The following IAPP variants were observed in gnomAD, a reference collection of about 807,000 sequenced individuals.
IAPP encodes islet amyloid polypeptide.
IAPP carries 4 observed loss-of-function variants against 2.9 expected under a neutral mutation model. The observed-to-expected ratio is 1.39, with a 90% CI of 0.69 to 3.19. The LOEUF (loss-of-function observed/expected upper bound fraction) is 3.19, where lower values mean the gene tolerates loss of function less well. Among genes scored for constraint, IAPP ranks in the 30% most tolerant of loss-of-function variants. The pLI, the probability that IAPP is intolerant of heterozygous loss-of-function variation, is 0.01. For synonymous variants in IAPP, 40 were observed against 42.1 expected, an observed-to-expected ratio of 0.95 and a Z score of 0.19; for missense variants, 114 against 105.3, an observed-to-expected ratio of 1.08 and a Z score of -0.36.
At chr12:21,357,606 C>T (rs773436766) in intron 1 of IAPP, among the ~76,000 whole-genome samples, 24 of 152,116 alleles carry the variant, frequency 1.6e-4, no homozygotes, top group African/African-American at 4.3e-4. Context: ...ATTTAGCGTC[C>T]AATAGATGCT....
intron 1 of IAPP, among the ~76,000 whole-genome samples, chr12:21,367,140 C>A (rs2137072047): frequency 6.6e-6 from 1 of 152,164 alleles, no homozygotes; most frequent in East Asian, 1.9e-4. Context: ...AAATCAAAAA[C>A]TGCTTTTCTT....
intron 2 of IAPP, among the ~76,000 whole-genome samples, chr12:21,373,940 G>T (rs578256727): frequency 6.6e-6 from 1 of 152,250 alleles, no homozygotes; most frequent in South Asian, 2.1e-4. Flanking sequence ...ATGTTTTTAA[G>T]AAATGAAATC....
chr12:21,369,301 A>C (rs929673552), upstream of IAPP, among the ~76,000 whole-genome samples: 4 of 151,998 alleles, frequency 2.6e-5, no homozygotes, highest in African/African-American at 9.7e-5. Flanking sequence ...TATGACTTGG[A>C]GTCATTTACT....
intron 1 of IAPP, among the ~76,000 whole-genome samples, chr12:21,361,479 C>T (rs1442632024): frequency 1.3e-5 from 2 of 152,182 alleles, no homozygotes; most frequent in African/African-American, 4.8e-5. Flanking sequence ...TAGCGCACCT[C>T]TTCTCCTCCA....
upstream of IAPP, among the ~76,000 whole-genome samples, chr12:21,368,142 T>G (rs1366317663): frequency 6.6e-6 from 1 of 152,156 alleles, no homozygotes; most frequent in African/African-American, 2.4e-5. Flanking sequence ...ATAAAAGATA[T>G]TATGTACCCC....
At position 21,372,950 on chromosome 12, in the gene IAPP, GCTTT is replaced by G. The variant is rs1939907905; in HGVS notation, c.-63_-60del. The G allele has an allele frequency of 2.1e-5, 5 of 237,080 alleles. No individual in the cohort carries two copies. In the South Asian group the frequency reaches 2.2e-4, roughly 10 times the overall value. 14.7% of individuals were successfully genotyped at this position (237,080 alleles called of 1,614,324 possible). Reference sequence around the variant, plus strand: ...TACAAGCTTGGACTCTTTTCTTGAAGCTTTCTTTCTATCAGAAGCATTTGCTGAT... The same window carrying G: ...TACAAGCTTGGACTCTTTTCTTGAAGCTTTCTATCAGAAGCATTTGCTGAT... On this transcript the variant is annotated 5_prime_UTR_variant, in exon 1 of 3. Transcript: ENST00000240652.
At chr12:21,363,395 T>C (rs11502426) in intron 1 of IAPP, among the ~76,000 whole-genome samples, 1 of 151,872 alleles carries the variant, frequency 6.6e-6, no homozygotes, top group Non-Finnish European at 1.5e-5. Flanking sequence ...CATTTAAAGC[T>C]GTATGTAGAG....
chr12:21,377,494 A>T (rs938869346), intron 2 of IAPP, among the ~76,000 whole-genome samples: 4 of 152,222 alleles, frequency 2.6e-5, no homozygotes, highest in African/African-American at 9.6e-5. Context: ...AATGTTGGGC[A>T]GCAGATCTCT....
chr12:21,370,843 A>G (rs530112235), upstream of IAPP, among the ~76,000 whole-genome samples: 1 of 152,300 alleles, frequency 6.6e-6, no homozygotes, highest in South Asian at 2.1e-4. Flanking sequence ...TGCTTTCTAC[A>G]TCACTGTATT....
At chr12:21,357,173 C>A (rs1190731344) in intron 1 of IAPP, among the ~76,000 whole-genome samples, 1 of 152,118 alleles carries the variant, frequency 6.6e-6, no homozygotes, top group African/African-American at 2.4e-5. Flanking sequence ...CAGAATGAAA[C>A]CACATTTGTA....
At chr12:21,357,906 C>T (rs1227937351) in intron 1 of IAPP, among the ~76,000 whole-genome samples, 1 of 152,008 alleles carries the variant, frequency 6.6e-6, no homozygotes, top group Non-Finnish European at 1.5e-5. Context: ...ACATGCAAAC[C>T]ATTAAATACC....
At chr12:21,357,071 AAAAC>A (rs1230152292) in intron 1 of IAPP, among the ~76,000 whole-genome samples, 7 of 152,216 alleles carry the variant, frequency 4.6e-5, no homozygotes, top group African/African-American at 1.7e-4. Flanking sequence ...AGAAAGGATA[AAAAC>A]AAACAAACAC....
At chr12:21,359,434 T>C (rs1334519310) in intron 1 of IAPP, among the ~76,000 whole-genome samples, 2 of 151,688 alleles carry the variant, frequency 1.3e-5, no homozygotes, top group Non-Finnish European at 2.9e-5. Context: ...ATCGCCTGGC[T>C]AAAAGAACCA....
intron 1 of IAPP, among the ~76,000 whole-genome samples, chr12:21,358,009 G>A (rs1461974411): frequency 1.3e-5 from 2 of 152,126 alleles, no homozygotes; most frequent in East Asian, 1.9e-4. Flanking sequence ...GGTGGCGTGA[G>A]GTGGGGCAGG....
At chr12:21,359,478 T>C (rs1365256772) in intron 1 of IAPP, among the ~76,000 whole-genome samples, 2 of 152,074 alleles carry the variant, frequency 1.3e-5, no homozygotes, top group Admixed American at 6.5e-5. Flanking sequence ...CCCAGATAAA[T>C]GGCCTTCTTC....
In IAPP at chr12:21,373,378, T is replaced by A; in HGVS notation, c.27T>A (p.Phe9Leu). 1 of 1,613,628 alleles carries A rather than the reference T, an allele frequency of 6.2e-7. No individual in the cohort carries two copies. The highest frequency in any genetic ancestry group is 8.5e-7 in the Non-Finnish European group (1 of 1,179,650). MGILKLQV[F>L]LIVLSVALNH... is the part of the protein sequence containing the mutation. ...TGGGCATCCTGAAGCTGCAAGTATT[T>A]CTCATTGTGCTCTCTGTTGCATTGA... The change falls in exon 2 of 3, where the codon TTT becomes TTA. Residue 9 changes from phenylalanine to leucine, a missense_variant. Transcript: ENST00000240652.
At chr12:21,370,162 T>C (rs1051653742), upstream of IAPP, among the ~76,000 whole-genome samples, 7 of 152,306 alleles carry the variant, frequency 4.6e-5, no homozygotes, top group Admixed American at 4.6e-4. Flanking sequence ...AGTAGCTCTG[T>C]AACCTTAAGC....
chr12:21,370,930 G>T (rs1299837397), upstream of IAPP, among the ~76,000 whole-genome samples: 4 of 152,166 alleles, frequency 2.6e-5, no homozygotes, highest in Non-Finnish European at 5.9e-5. Context: ...AGAGTTCAGG[G>T]GCAAGTTGGA....
At chr12:21,372,143 A>G (rs750979575), upstream of IAPP, among the ~76,000 whole-genome samples, 2 of 152,220 alleles carry the variant, frequency 1.3e-5, no homozygotes, top group Non-Finnish European at 2.9e-5. Context: ...TAATGTTCTC[A>G]TGGAGCTAAT....
Sources: allele counts gnomAD v4.1 joint callset (sites outside exome capture counted in the v4.1 genomes callset), GRCh38; gene constraint gnomAD v4.1.1; transcripts MANE v1.5; gene names NCBI Gene and HGNC (gene_info 2026-07-23, HGNC 2026-07-21).